The following RYR1 variants were observed in gnomAD, a reference collection of about 807,000 sequenced individuals.
RYR1 encodes central core disease of muscle.
RYR1 carries 342 observed loss-of-function variants against 583.5 expected under a neutral mutation model. That is an observed-to-expected ratio of 0.59 (90% confidence interval 0.54 to 0.64). The LOEUF is 0.64. Among genes scored for constraint, RYR1 ranks in the 30% least tolerant of loss-of-function variants. The pLI is 0.00. For synonymous variants in RYR1, 2,791 were observed against 2,822.5 expected (o/e 0.99, Z 0.35); for missense variants, 6,032 against 6,917.2 (o/e 0.87, Z 4.54).
chr19:38,455,137 C>T, intron 13 of RYR1, 98 bp from the exon 14 acceptor site: 1 of 1,386,730 alleles, frequency 7.2e-7, no homozygotes, highest in Non-Finnish European at 1.0e-6. Flanking sequence ...CACACCGTCA[C>T]TAGTTGTTGA....
chr19:38,499,300 T>G lies in RYR1; in HGVS notation c.7027+57T>G. On this transcript the variant is annotated intron_variant, in intron 43 of 105. Transcript: ENST00000359596. This position sits in a 1 kb window ranked among gnomAD's most constrained non-coding sequence, Gnocchi z 7.3. ...AGTATGGAGTCACTGGTCACACACC[T>G]CCCTCGAGATGACTGCTCGCACCCT... 1 of 1,612,738 alleles carries G rather than the reference T, an allele frequency of 6.2e-7. No individual in the cohort carries two copies. The highest frequency in any genetic ancestry group is 8.5e-7 in the Non-Finnish European group (1 of 1,179,068).
At chr19:38,542,973 T>C (rs1347694149) in intron 84 of RYR1, among the ~76,000 whole-genome samples, 2 of 151,698 alleles carry the variant, frequency 1.3e-5, no homozygotes, top group African/African-American at 2.4e-5. Flanking sequence ...TCCCAAGTAG[T>C]TAGGATTGCA....
intron 58 of RYR1, among the ~76,000 whole-genome samples, chr19:38,508,420 G>T (rs149839998): frequency 0.056 from 8,565 of 152,190 alleles, 290 homozygotes; most frequent in South Asian, 0.12. Context: ...CACCATGTTG[G>T]CCAGGATGGT....
intron 2 of RYR1, among the ~76,000 whole-genome samples, chr19:38,441,469 G>A (rs1229030373): frequency 2.0e-5 from 3 of 151,228 alleles, no homozygotes; most frequent in Non-Finnish European, 3.0e-5. Flanking sequence ...GGGGCTTGAG[G>A]GTCTTAGGTA....
rs113916872 is a variant in RYR1, at chr19:38,561,015, T to C, written c.12283-98T>C. On this transcript the variant is annotated intron_variant, in intron 89 of 105. Transcript: ENST00000359596. The surrounding 1 kb of genome is among the most constrained non-coding windows in gnomAD (Gnocchi z 4.8). The stretch of plus-strand genomic sequence containing the variant: ...GTGATTGCGCCACTGCACTCCAGCC[T>C]GGGCGACACAGCGAGACCTTGTCTT... 49,221 of 1,150,454 alleles carry C rather than the reference T, an allele frequency of 0.043. 1,394 individuals are homozygous for C. The highest frequency in any genetic ancestry group is 0.066 in the Middle Eastern group (252 of 3,842). 71.3% of individuals were successfully genotyped at this position (1,150,454 alleles called of 1,614,324 possible).
At position 38,500,192 on chromosome 19, in the gene RYR1, C is replaced by T. The variant is rs1970042880; in HGVS notation, c.7323+176C>T. Among the ~76,000 whole-genome samples the T allele has an allele frequency of 6.6e-6, 1 of 152,008 alleles. No individual in the cohort carries two copies. Among genetic ancestry groups the T allele is most frequent in the South Asian group, 2.1e-4 (1 of 4,828 alleles). ...CCCCAGGGCCTGGTCTCACAGAGCT[C>T]CCAGTCCAATGGGGGAGACGGACAG... On this transcript the variant is annotated intron_variant, in intron 45 of 105. Transcript: ENST00000359596. This position sits in a 1 kb window ranked among gnomAD's most constrained non-coding sequence, Gnocchi z 5.9.
chr19:38,542,758 T>G (rs1972253729), intron 84 of RYR1, among the ~76,000 whole-genome samples: 1 of 152,054 alleles, frequency 6.6e-6, no homozygotes, highest in South Asian at 2.1e-4. Flanking sequence ...TGACCTCAAG[T>G]GATCCACCCA....
intron 84 of RYR1, among the ~76,000 whole-genome samples, chr19:38,538,326 T>TGA (rs1416755586): frequency 1.3e-5 from 2 of 152,038 alleles, no homozygotes; most frequent in African/African-American, 4.8e-5. Context: ...CTTGAACCCA[T>TGA]GAGATGGAGG....
At chr19:38,578,272 C>T (rs1179935203) in intron 99 of RYR1, 68 bp downstream of exon 99, 24 of 1,528,828 alleles carry the variant, frequency 1.6e-5, no homozygotes, top group South Asian at 1.3e-4. Context: ...TTCCCAACGT[C>T]GGGTGTTCCT....
intron 88 of RYR1, among the ~76,000 whole-genome samples, chr19:38,547,208 T>A: frequency 6.7e-6 from 1 of 148,518 alleles, no homozygotes; most frequent in Non-Finnish European, 1.5e-5. Flanking sequence ...CTGGCTAATT[T>A]TTTTTTTTTT....
chr19:38,439,003 C>T (rs933894919), intron 1 of RYR1, among the ~76,000 whole-genome samples: 4 of 151,918 alleles, frequency 2.6e-5, no homozygotes, highest in East Asian at 1.9e-4. Context: ...TGAACCACCG[C>T]GTCCAGCCAA....
chr19:38,502,763 AGGGGCAGGG>A (rs762656007), intron 48 of RYR1, 36 bp downstream of exon 48: 1 of 402,150 alleles, frequency 2.5e-6, no homozygotes, highest in African/African-American at 7.0e-5. Context: ...GGGCAGGGGC[AGGGGCAGGG>A]GCAGGGGCAG....
At chr19:38,579,191 C>T (rs542460649) in intron 99 of RYR1, among the ~76,000 whole-genome samples, 15 of 152,048 alleles carry the variant, frequency 9.9e-5, no homozygotes, top group Admixed American at 3.9e-4. Context: ...GTTGGGAGGC[C>T]GAGGTGGGTG....
chr19:38,453,066 C>A, intron 13 of RYR1, 52 bp downstream of exon 13: 1 of 1,584,478 alleles, frequency 6.3e-7, no homozygotes, highest in South Asian at 1.1e-5. Context: ...GGGGCGGGAC[C>A]ACTGAGGGGC....
chr19:38,546,601 G>A (rs547512686), intron 88 of RYR1, 75 bp downstream of exon 88: 11 of 1,189,824 alleles, frequency 9.2e-6, no homozygotes, highest in Admixed American at 5.2e-5. Context: ...CCTGAGACCC[G>A]GGAGACCCTA....
intron 11 of RYR1, among the ~76,000 whole-genome samples, chr19:38,449,427 C>T (rs1236627192): frequency 6.6e-6 from 1 of 152,222 alleles, no homozygotes; most frequent in East Asian, 1.9e-4. Context: ...TGCCATTGCA[C>T]TCCAGCCTGG....
Position 38,453,024 on chromosome 19 carries a change from T to A in RYR1, c.1440+10T>A, listed in dbSNP as rs768956311. On this transcript the variant is annotated intron_variant, in intron 13 of 105. Transcript: ENST00000359596. ...CCTCTTCCAGGAGGAGGTGAGGACG[T>A]GGCGAGGGCGGAGCGGGGCCTGTGG... 37 of 1,583,650 alleles carry A rather than the reference T, an allele frequency of 2.3e-5. No individual in the cohort carries two copies. The Admixed American group carries it at 2.9e-4, about 12-fold the overall frequency.
At position 38,505,412 on chromosome 19, in the gene RYR1, G is replaced by A. The variant is rs1458535279; in HGVS notation, c.8400+14G>A. 1.3e-6 allele frequency: 2 copies of A among 1,582,844 alleles called. No individual in the cohort carries two copies. Among genetic ancestry groups the A allele is most frequent in the Non-Finnish European group, 8.6e-7 (1 of 1,156,952 alleles). On this transcript the variant is annotated intron_variant, in intron 53 of 105. Coordinates refer to ENST00000359596, the MANE Select transcript of RYR1 (RefSeq NM_000540.3). ...TTTTCAGAGAAGGTGACCAGGCCTT[G>A]GGGCCCAGCATTGAGGGTCAAAATG...
rs1021051154 is a variant in RYR1, at chr19:38,528,896, A to C, written c.11035-55A>C. 9.5e-6 allele frequency: 15 copies of C among 1,573,324 alleles called. No homozygotes were observed. In the African/African-American group the frequency reaches 1.2e-4, roughly 13 times the overall value. ...TCCAGACCAACAGGGACATGGGGGC[A>C]GTGACAGGAGGGGACTCTAGAAACC... is the stretch of plus-strand genomic sequence containing the variant. On this transcript the variant is annotated intron_variant, in intron 75 of 105. Transcript: ENST00000359596.
Sources: allele counts gnomAD v4.1 joint callset (sites outside exome capture counted in the v4.1 genomes callset), GRCh38; gene constraint gnomAD v4.1.1; non-coding constraint Gnocchi (gnomAD v3.1); transcripts MANE v1.5; gene names NCBI Gene and HGNC (gene_info 2026-07-23, HGNC 2026-07-21).